DPYD: variants seen among roughly 807,000 people sequenced by gnomAD.
DPYD encodes dihydropyrimidine dehydrogenase, also known as dihydropyrimidine dehydrogenase [NADP(+)].
A neutral mutation model predicts 116.2 loss-of-function variants in DPYD; 109 were observed. The observed-to-expected ratio is 0.94, with a 90% CI of 0.80 to 1.10. The LOEUF (loss-of-function observed/expected upper bound fraction) is 1.10, where lower values mean the gene tolerates loss of function less well. Ranked by LOEUF, DPYD falls within the 50% of genes least tolerant of loss-of-function variation. The pLI is 0.00. For missense variants in DPYD, 1,302 were observed against 1,254.5 expected, an observed-to-expected ratio of 1.04 and a Z score of -0.57; for synonymous variants, 440 against 432.0, an observed-to-expected ratio of 1.02 and a Z score of -0.23.
At chr1:97,671,604 T>C (rs1571164271) in intron 8 of DPYD, among the ~76,000 whole-genome samples, 1 of 152,294 alleles carries the variant, frequency 6.6e-6, no homozygotes, top group African/African-American at 2.4e-5. Context: ...AGTTATTACA[T>C]TGCTTTTCAT....
intron 20 of DPYD, among the ~76,000 whole-genome samples, chr1:97,152,569 TAC>T (rs540610297): frequency 1.2e-3 from 184 of 151,150 alleles, no homozygotes; most frequent in African/African-American, 4.2e-3. Flanking sequence ...CACGTAAAAA[TAC>T]ACAGATACCC....
At chr1:97,131,348 A>G (rs1327533782) in intron 20 of DPYD, among the ~76,000 whole-genome samples, 2 of 152,188 alleles carry the variant, frequency 1.3e-5, no homozygotes, top group African/African-American at 4.8e-5. Context: ...ATCCTCATAC[A>G]GAATATCTGA....
chr1:97,874,999 C>T (rs967726662), intron 2 of DPYD, among the ~76,000 whole-genome samples: 1 of 151,786 alleles, frequency 6.6e-6, no homozygotes, highest in African/African-American at 2.4e-5. Context: ...GAGAATTGAT[C>T]AAATATGGCA....
rs1479985566 is a variant in DPYD at position 97,883,294 on chromosome 1, A to G, written c.120T>C (p.His40=). The change falls in exon 2 of 23, where the codon CAT becomes CAC. Residue 40 remains histidine, a synonymous_variant. Coordinates refer to ENST00000370192, the MANE Select transcript of DPYD (RefSeq NM_000110.4). ...AGTTCTTATCAGGATTTCTTTTCCA[A>G]TGTTTCTTGTCTAATTTCTTGGCCG... ...STSAKKLDKK[H]WKRNPDKNCF... The G allele has an allele frequency of 1.2e-6, 2 of 1,612,164 alleles. No individual in the cohort carries two copies. The highest frequency in any genetic ancestry group is 1.7e-6 in the Non-Finnish European group (2 of 1,178,760).
At chr1:97,759,294 T>G (rs993934960) in intron 3 of DPYD, among the ~76,000 whole-genome samples, 2 of 152,174 alleles carry the variant, frequency 1.3e-5, no homozygotes, top group African/African-American at 4.8e-5. Context: ...GTCAGATTTC[T>G]TATTCCTCTT....
intron 6 of DPYD, 60 bp from the exon 7 acceptor site, chr1:97,691,858 A>G (rs1277674059): frequency 1.5e-6 from 2 of 1,370,426 alleles, no homozygotes; most frequent in Admixed American, 3.4e-5. Context: ...TCTTTGACCA[A>G]TCTTAAAAAA....
At chr1:97,588,265 C>A (rs1225655323) in intron 10 of DPYD, among the ~76,000 whole-genome samples, 1 of 152,102 alleles carries the variant, frequency 6.6e-6, no homozygotes, top group Non-Finnish European at 1.5e-5. Context: ...ATGCAGGCCC[C>A]ATAAAAATGC....
At chr1:97,892,185 T>C (rs547062534) in intron 1 of DPYD, among the ~76,000 whole-genome samples, 6 of 151,888 alleles carry the variant, frequency 4.0e-5, no homozygotes, top group Non-Finnish European at 5.9e-5. Flanking sequence ...GCCAATTTTT[T>C]ATCAATAAAT....
chr1:97,299,836 C>T (rs1666757101), intron 18 of DPYD, among the ~76,000 whole-genome samples: 1 of 151,976 alleles, frequency 6.6e-6, no homozygotes, highest in African/African-American at 2.4e-5. Context: ...TTATTAGGGC[C>T]CTGGTCTCCT....
intron 11 of DPYD, among the ~76,000 whole-genome samples, chr1:97,565,766 T>G (rs1278360831): frequency 6.6e-6 from 1 of 152,188 alleles, no homozygotes; most frequent in African/African-American, 2.4e-5. Context: ...GTATTCCTAG[T>G]GCCTGAGTAG....
At chr1:97,410,630 CT>C (rs1366573328) in intron 14 of DPYD, among the ~76,000 whole-genome samples, 2 of 151,922 alleles carry the variant, frequency 1.3e-5, no homozygotes, top group Non-Finnish European at 2.9e-5. Context: ...TTATATGCTC[CT>C]TTGATCTTTC....
At chr1:97,393,760 A>T (rs900964114) in intron 14 of DPYD, among the ~76,000 whole-genome samples, 5 of 152,110 alleles carry the variant, frequency 3.3e-5, no homozygotes, top group Non-Finnish European at 7.4e-5. Context: ...ATATGTGTGT[A>T]TGTGTCTTTA....
At chr1:97,782,783 CT>C (rs1666822224) in intron 3 of DPYD, among the ~76,000 whole-genome samples, 1 of 152,042 alleles carries the variant, frequency 6.6e-6, no homozygotes, top group South Asian at 2.1e-4. Flanking sequence ...AATTATTTTC[CT>C]TTGATACCTT....
At chr1:97,510,333 C>A (rs934664208) in intron 13 of DPYD, among the ~76,000 whole-genome samples, 15 of 151,898 alleles carry the variant, frequency 9.9e-5, no homozygotes, top group African/African-American at 3.6e-4. Context: ...ATGTGCCTTC[C>A]ATTTCTCCAG....
chr1:97,152,549 ATAT>A (rs1425628235), intron 20 of DPYD, among the ~76,000 whole-genome samples: 7 of 151,416 alleles, frequency 4.6e-5, no homozygotes, highest in African/African-American at 1.5e-4. Flanking sequence ...TTAAATTATA[ATAT>A]TAATGTCACG....
At position 97,077,782 on chromosome 1, in the gene DPYD, T is replaced by C. The variant is rs1648893023; in HGVS notation, c.*1194A>G. The C allele has an allele frequency of 6.6e-6, 1 of 152,186 alleles. No homozygotes were observed. The highest frequency in any genetic ancestry group is 1.5e-5 in the Non-Finnish European group (1 of 68,030). The allele number at this position is 152,186 out of a possible 1,614,324, so 9.4% of individuals were successfully genotyped here. On this transcript the variant is annotated 3_prime_UTR_variant, in exon 23 of 23. Transcript: ENST00000370192. The stretch of plus-strand genomic sequence containing the variant: ...TGATATTTTATTTGATATTATTCAG[T>C]AATACAGGTTTTGTGGCAAATATGC...
chr1:97,082,313 T>A lies in DPYD; in HGVS notation c.2907+17A>T. ...GAAACATGTCTCATAGCATTCTAATTCCAGCAGGATTCTTACCTGGTAGCC... is the reference window on the plus strand; with the variant it reads ...GAAACATGTCTCATAGCATTCTAATACCAGCAGGATTCTTACCTGGTAGCC... On this transcript the variant is annotated intron_variant, in intron 22 of 22. Coordinates refer to ENST00000370192, the MANE Select transcript of DPYD (RefSeq NM_000110.4). 1 of 1,613,238 alleles carries A rather than the reference T, an allele frequency of 6.2e-7. No individual in the cohort carries two copies. The highest frequency in any genetic ancestry group is 8.5e-7 in the Non-Finnish European group (1 of 1,179,374).
At chr1:97,894,632 A>G (rs935540082) in intron 1 of DPYD, among the ~76,000 whole-genome samples, 4 of 151,714 alleles carry the variant, frequency 2.6e-5, no homozygotes, top group Admixed American at 6.6e-5. Context: ...TATTAATTAT[A>G]TATCTTTATT....
intron 20 of DPYD, among the ~76,000 whole-genome samples, chr1:97,157,782 G>A (rs558425603): frequency 6.6e-6 from 1 of 152,126 alleles, no homozygotes; most frequent in Admixed American, 6.6e-5. Flanking sequence ...TCCCATACCT[G>A]TAATATGTGT....
Sources: allele counts gnomAD v4.1 joint callset (sites outside exome capture counted in the v4.1 genomes callset), GRCh38; gene constraint gnomAD v4.1.1; transcripts MANE v1.5; gene names NCBI Gene and HGNC (gene_info 2026-07-23, HGNC 2026-07-21).